The following PLA2R1 variants were observed in gnomAD, a reference collection of about 807,000 sequenced individuals.
PLA2R1 encodes the protein phospholipase A2 receptor 1.
In PLA2R1, 158 loss-of-function variants were observed where a neutral mutation model predicts 195.9. That is an observed-to-expected ratio of 0.81 (90% CI 0.71 to 0.92). The LOEUF (loss-of-function observed/expected upper bound fraction) is 0.92, where lower values mean the gene tolerates loss of function less well. PLA2R1 is among the 40% of genes least tolerant of loss of function. The pLI, the probability that PLA2R1 is intolerant of heterozygous loss-of-function variation, is 0.00. For missense variants in PLA2R1, 1,626 were observed against 1,764.6 expected (o/e 0.92, Z 1.41); for synonymous variants, 586 against 598.2 (o/e 0.98, Z 0.30).
intron 1 of PLA2R1, among the ~76,000 whole-genome samples, chr2:160,058,653 ATCTGGAGTACTTGAGTGAGTGAAGTTAGT>A (rs1695738559): frequency 6.6e-6 from 1 of 152,058 alleles, no homozygotes; most frequent in Non-Finnish European, 1.5e-5. Flanking sequence ...TCCACTTTGT[ATCTGGAGTACTTGAGTGAGTGAAGTTAGT>A]GTGTCTTAGC....
Position 159,976,936 on chromosome 2 carries a change from T to C in PLA2R1, c.2402-216A>G, listed in dbSNP as rs529826575. Among the ~76,000 whole-genome samples, 5 of 152,348 alleles carry C rather than the reference T, an allele frequency of 3.3e-5. No homozygotes were observed. In the East Asian group the frequency reaches 7.7e-4, roughly 24 times the overall value. ...ATTAAAGAAGGAAGGACATGAGCAC[T>C]TGCTGAGGCCACTGTGTGCCACACA... On this transcript the variant is annotated intron_variant, in intron 15 of 29. Transcript: ENST00000283243.
intron 28 of PLA2R1, 70 bp from the exon 29 acceptor site, chr2:159,942,229 C>A: frequency 8.6e-7 from 1 of 1,169,042 alleles, no homozygotes; most frequent in South Asian, 1.3e-5. Flanking sequence ...ATTACTTACT[C>A]AGGGATCAGC....
At chr2:159,973,325 T>C (rs1051909552) in intron 17 of PLA2R1, among the ~76,000 whole-genome samples, 1 of 151,906 alleles carries the variant, frequency 6.6e-6, no homozygotes, top group African/African-American at 2.4e-5. Context: ...AGCAACAGCT[T>C]TCTTCTTTCT....
chr2:159,980,997 C>A (rs912892204), intron 13 of PLA2R1, among the ~76,000 whole-genome samples: 4 of 152,082 alleles, frequency 2.6e-5, no homozygotes, highest in African/African-American at 9.7e-5. Flanking sequence ...GTGAGAATGG[C>A]CACCTTCAGT....
intron 25 of PLA2R1, 127 bp from the exon 26 acceptor site, chr2:159,947,686 G>T: frequency 1.1e-6 from 1 of 884,760 alleles, no homozygotes; most frequent in Non-Finnish European, 1.8e-6. Flanking sequence ...GTAATACTCT[G>T]AAAGATTGGG....
intron 12 of PLA2R1, among the ~76,000 whole-genome samples, chr2:159,986,400 T>G (rs1690337697): frequency 6.6e-6 from 1 of 152,084 alleles, no homozygotes; most frequent in African/African-American, 2.4e-5. Flanking sequence ...TTGCCCATCT[T>G]GTTGTGTGGG....
At chr2:160,060,076 A>G (rs1695848801) in intron 1 of PLA2R1, among the ~76,000 whole-genome samples, 1 of 152,190 alleles carries the variant, frequency 6.6e-6, no homozygotes, top group Non-Finnish European at 1.5e-5. Flanking sequence ...CTTGTAATAC[A>G]TATCAGATCT....
intron 1 of PLA2R1, among the ~76,000 whole-genome samples, chr2:160,057,885 G>T (rs1695669049): frequency 6.6e-6 from 1 of 152,194 alleles, no homozygotes. Context: ...GCCTGGGAGA[G>T]ACCAGGAGCA....
intron 9 of PLA2R1, among the ~76,000 whole-genome samples, chr2:160,013,701 C>CTCTGTGTGTGTG (rs1402140433): frequency 7.6e-6 from 1 of 131,212 alleles, no homozygotes; most frequent in African/African-American, 2.9e-5. Context: ...CTCTCTCTCT[C>CTCTGTGTGTGTG]TGTCTCTCTC....
At chr2:159,972,481 C>CA (rs1190540054) in intron 17 of PLA2R1, among the ~76,000 whole-genome samples, 2 of 152,078 alleles carry the variant, frequency 1.3e-5, no homozygotes, top group African/African-American at 4.8e-5. Flanking sequence ...CAGCATTTAC[C>CA]AAAAACAAAC....
intron 3 of PLA2R1, among the ~76,000 whole-genome samples, chr2:160,034,967 C>A (rs1464079001): frequency 1.3e-5 from 2 of 152,142 alleles, no homozygotes; most frequent in Non-Finnish European, 2.9e-5. Context: ...TTGGTCAATA[C>A]TTTGTTTCAT....
At chr2:160,060,830 CA>C (rs899585239) in intron 1 of PLA2R1, among the ~76,000 whole-genome samples, 2 of 152,156 alleles carry the variant, frequency 1.3e-5, no homozygotes, top group African/African-American at 4.8e-5. Flanking sequence ...AGTGCCCAGG[CA>C]AAACCCACAT....
the PLA2R1 span, among the ~76,000 whole-genome samples, chr2:159,924,536 G>A: frequency 0.87 from 132,256 of 152,114 alleles, 59,164 homozygotes; most frequent in East Asian, 1. Flanking sequence ...AGCCAAAATG[G>A]ATGTCAAATA....
intron 11 of PLA2R1, among the ~76,000 whole-genome samples, chr2:160,000,858 C>T (rs1362785137): frequency 1.3e-5 from 2 of 151,982 alleles, no homozygotes; most frequent in African/African-American, 2.4e-5. Context: ...ATTTAAAATG[C>T]ATCCTTGAGA....
Position 159,979,861 on chromosome 2 carries a change from G to A in PLA2R1, c.2237C>T (p.Ala746Val). ...IGFNKRNPLN[A>V]GSWEWSDRTP... ...TCTATCAGACCACTCCCATGAGCCG[G>A]CATTCAGTGGGTTTCTTTTATTAAA... The change falls in exon 14 of 30, where the codon GCC becomes GTC. Residue 746 changes from alanine to valine, a missense_variant. Ala to Val is a moderately conservative substitution (Grantham distance 64). Coordinates refer to ENST00000283243, the MANE Select transcript of PLA2R1 (RefSeq NM_007366.5). 1.2e-6 allele frequency: 2 copies of A among 1,605,562 alleles called. No homozygotes were observed. The highest frequency in any genetic ancestry group is 8.5e-7 in the Non-Finnish European group (1 of 1,172,760).
Position 159,941,975 on chromosome 2 carries a change from T to A in PLA2R1, c.4195A>T (p.Ile1399Phe). 6.2e-7 allele frequency: 1 copy of A among 1,613,578 alleles called. No homozygotes were observed. Among genetic ancestry groups the A allele is most frequent in the Non-Finnish European group, 8.5e-7 (1 of 1,179,590 alleles). Residue 1399 changes from isoleucine to phenylalanine, a missense_variant, in exon 30 of 30, where the codon ATT (isoleucine) becomes TTT (phenylalanine). Ile to Phe is a conservative substitution (Grantham distance 21). Coordinates refer to ENST00000283243, the MANE Select transcript of PLA2R1 (RefSeq NM_007366.5). ...LPEKGPSHSI[I>F]PLAVVLTLIV... is the part of the protein sequence containing the mutation. ...AGTGTCAGTACAACCGCAAGAGGAATGATGCTGTGACTTGGTCCTGAAAGA... is the reference window on the plus strand; with the variant it reads ...AGTGTCAGTACAACCGCAAGAGGAAAGATGCTGTGACTTGGTCCTGAAAGA...
rs916593884 is a variant in PLA2R1, at chr2:159,999,347, ATTTTTTTTTTTTT to A, written c.1834+6292_1834+6304del. 5.5e-4 allele frequency among the ~76,000 whole-genome samples: 4 copies of A among 7,250 alleles called. 1 individual carries two copies. In the Admixed American group the frequency reaches 7.7e-3, roughly 14 times the overall value. 4.8% of individuals were successfully genotyped at this position (7,250 alleles called of 152,430 possible). ...AACATGAAGGCATGCACATTACGTAATTTTTTTTTTTTTTTTTTTTTTTTTTTTTTTTTTTGAG... is the reference window on the plus strand; with the variant it reads ...AACATGAAGGCATGCACATTACGTAATTTTTTTTTTTTTTTTTTTTTTGAG... On this transcript the variant is annotated intron_variant, in intron 11 of 29. Coordinates refer to ENST00000283243, the MANE Select transcript of PLA2R1 (RefSeq NM_007366.5).
intron 9 of PLA2R1, among the ~76,000 whole-genome samples, chr2:160,013,651 C>A (rs564580262): frequency 2.0e-5 from 3 of 150,296 alleles, no homozygotes; most frequent in Admixed American, 6.7e-5. Context: ...AAAGGGCATT[C>A]ATTCAAGATC....
rs778290133 is a variant in PLA2R1 at position 159,949,707 on chromosome 2, A to T, written c.3610T>A (p.Ser1204Thr). ...GCAAAAACGCAGTCACCAAGGAGGG[A>T]GGACTCCTCATCTTTCCAAAAAGTG... The part of the protein sequence containing the change: ...SFTFWKDEES[S>T]LLGDCVFADS... Residue 1204 changes from serine (S) to threonine (T), a missense_variant, in exon 25 of 30, where the codon TCC (serine) becomes ACC (threonine). Transcript: ENST00000283243. 1 of 1,613,622 alleles carries T rather than the reference A, an allele frequency of 6.2e-7. No homozygotes were observed. The highest frequency in any genetic ancestry group is 1.7e-5 in the Admixed American group (1 of 60,010).
Sources: gnomAD v4.1 joint callset for allele counts (sites outside exome capture counted in the v4.1 genomes callset) on GRCh38, gnomAD v4.1.1 for gene constraint, MANE v1.5 for transcripts, NCBI Gene and HGNC (gene_info 2026-07-23, HGNC 2026-07-21) for gene names.